Variants in ACSM3 observed in about 807,000 individuals in gnomAD.
ACSM3 encodes acyl-coenzyme A synthetase ACSM3, mitochondrial.
A neutral mutation model predicts 74.1 loss-of-function variants in ACSM3; 61 were observed. The observed-to-expected ratio is 0.82, with a 90% CI of 0.67 to 1.02. The LOEUF is 1.02. Among genes scored for constraint, ACSM3 ranks in the 50% least tolerant of loss-of-function variants. ACSM3 has a pLI of 0.00. For synonymous variants in ACSM3, 213 were observed against 241.5 expected (o/e 0.88, Z 1.09); for missense variants, 660 against 697.0 (o/e 0.95, Z 0.60).
intron 3 of ACSM3, among the ~76,000 whole-genome samples, chr16:20,757,330 C>A (rs2080039812): frequency 6.6e-6 from 1 of 150,570 alleles, no homozygotes; most frequent in East Asian, 1.9e-4. Context: ...GTTTGTAGTT[C>A]TCCTTGAAGA....
At chr16:20,738,310 CAAA>C (rs200704193) in intron 1 of ACSM3, 858 of 223,620 alleles carry the variant, frequency 3.8e-3, no homozygotes, top group South Asian at 5.4e-3. Context: ...CACTTTTTTA[CAAA>C]AAAAAAAAAA....
intron 1 of ACSM3, among the ~76,000 whole-genome samples, chr16:20,708,243 G>A (rs1259728952): frequency 6.6e-6 from 1 of 152,176 alleles, no homozygotes; most frequent in African/African-American, 2.4e-5. Context: ...GGAGGTTGCA[G>A]TGAGCTGAGA....
intron 1 of ACSM3, among the ~76,000 whole-genome samples, chr16:20,706,453 T>A (rs2079728604): frequency 6.6e-6 from 1 of 152,156 alleles, no homozygotes; most frequent in South Asian, 2.1e-4. Context: ...CATTCCCCAA[T>A]GGCAACAATA....
chr16:20,793,493 A>C (rs1567365468), intron 12 of ACSM3, among the ~76,000 whole-genome samples: 1 of 148,488 alleles, frequency 6.7e-6, no homozygotes, highest in Non-Finnish European at 1.5e-5. Context: ...AAAAATAAAA[A>C]AGTTTAAGGT....
chr16:20,790,872 C>T lies in ACSM3; in HGVS notation c.1326+184C>T. On this transcript the variant is annotated intron_variant, in intron 10 of 13. Coordinates refer to ENST00000289416, the MANE Select transcript of ACSM3 (RefSeq NM_005622.4). The surrounding 1 kb of genome is among the most constrained non-coding windows in gnomAD (Gnocchi z 4.0). Reference sequence around the variant, plus strand: ...TACCCAAATTCTTGCTGAAGAAAAGCATGCTGGTCCCCTGAGGCCAGATCA... The same window carrying T: ...TACCCAAATTCTTGCTGAAGAAAAGTATGCTGGTCCCCTGAGGCCAGATCA... The T allele has an allele frequency of 6.2e-7, 1 of 1,614,066 alleles. No homozygotes were observed. The highest frequency in any genetic ancestry group is 1.1e-5 in the South Asian group (1 of 91,078).
intron 1 of ACSM3, chr16:20,743,724 T>C (rs1451123124): frequency 1.3e-5 from 2 of 152,224 alleles, no homozygotes; most frequent in Non-Finnish European, 1.5e-5. Flanking sequence ...TGGTGGACAC[T>C]GCACAGCAGA....
chr16:20,692,722 G>A (rs531127327), intron 1 of ACSM3, among the ~76,000 whole-genome samples: 2 of 152,222 alleles, frequency 1.3e-5, no homozygotes, highest in East Asian at 3.9e-4. Flanking sequence ...TATATTTTTG[G>A]GTAAAACATT....
intron 1 of ACSM3, among the ~76,000 whole-genome samples, chr16:20,717,360 A>C (rs539159619): frequency 7.2e-5 from 11 of 152,238 alleles, no homozygotes; most frequent in Non-Finnish European, 1.6e-4. Flanking sequence ...GCTATACAGG[A>C]CAGTCTTACC....
chr16:20,727,383 G>C (rs2079810316), intron 1 of ACSM3: 1 of 582,264 alleles, frequency 1.7e-6, no homozygotes, highest in Admixed American at 2.0e-5. Context: ...GACAGGAGGG[G>C]AGGCCCTCAC....
chr16:20,678,286 G>GA (rs906636619), intron 1 of ACSM3, among the ~76,000 whole-genome samples: 22 of 149,628 alleles, frequency 1.5e-4, no homozygotes, highest in East Asian at 5.9e-4. Context: ...GAACTGACCT[G>GA]AAAAAAAAAC....
chr16:20,773,886 A>C (rs776675353), intron 2 of ACSM3, among the ~76,000 whole-genome samples: 7 of 152,226 alleles, frequency 4.6e-5, no homozygotes, highest in Non-Finnish European at 8.8e-5. Flanking sequence ...ATTTGGTCCA[A>C]AGTGCAGTAT....
intron 1 of ACSM3, among the ~76,000 whole-genome samples, chr16:20,769,409 C>G (rs889025285): frequency 1.3e-5 from 2 of 152,142 alleles, no homozygotes; most frequent in Non-Finnish European, 2.9e-5. Flanking sequence ...AGTATGGGCC[C>G]CTATTGAGAG....
chr16:20,728,513 C>T (rs889696122), intron 1 of ACSM3: 7 of 945,282 alleles, frequency 7.4e-6, no homozygotes, highest in African/African-American at 3.4e-5. Flanking sequence ...AAGTGCTAGT[C>T]ATGTCTTAAT....
At chr16:20,691,750 AATGTGTG>A (rs2079654631) in intron 1 of ACSM3, among the ~76,000 whole-genome samples, 1 of 87,900 alleles carries the variant, frequency 1.1e-5, no homozygotes, top group Non-Finnish European at 2.2e-5. Context: ...ATACCTCTCC[AATGTGTG>A]TGTGTGTGTG....
intron 1 of ACSM3, among the ~76,000 whole-genome samples, chr16:20,713,015 A>G (rs1303823518): frequency 3.9e-5 from 6 of 152,164 alleles, no homozygotes; most frequent in African/African-American, 1.4e-4. Context: ...TCTCCCACTG[A>G]TTAATATATA....
intron 9 of ACSM3, chr16:20,789,457 A>G: frequency 6.4e-7 from 1 of 1,566,474 alleles, no homozygotes; most frequent in South Asian, 1.1e-5. Context: ...AGGGTAAGAG[A>G]GCAAGGCTGT....
chr16:20,689,007 AAT>A (rs1353553138), intron 1 of ACSM3, among the ~76,000 whole-genome samples: 1 of 148,640 alleles, frequency 6.7e-6, no homozygotes, highest in Non-Finnish European at 1.5e-5. Flanking sequence ...ATTATATATT[AAT>A]ATATGTTAAC....
chr16:20,691,498 T>G (rs913919388), intron 1 of ACSM3, among the ~76,000 whole-genome samples: 12 of 152,144 alleles, frequency 7.9e-5, no homozygotes, highest in Admixed American at 2.6e-4. Context: ...CCTGCTAAGA[T>G]GTCAGCCCAG....
chr16:20,736,998 T>A, intron 1 of ACSM3: 1 of 1,614,160 alleles, frequency 6.2e-7, no homozygotes, highest in Non-Finnish European at 8.5e-7. Flanking sequence ...CTGCCCCAGC[T>A]CCTCAGTATT....
Sources: allele counts gnomAD v4.1 joint callset (sites outside exome capture counted in the v4.1 genomes callset), GRCh38; gene constraint gnomAD v4.1.1; non-coding constraint Gnocchi (gnomAD v3.1); transcripts MANE v1.5; gene names NCBI Gene and HGNC (gene_info 2026-07-23, HGNC 2026-07-21).